Variants in HCN1 observed in about 807,000 individuals in gnomAD.
HCN1 encodes potassium/sodium hyperpolarization-activated cyclic nucleotide-gated channel 1.
Under a neutral mutation model 78.9 loss-of-function variants are expected in HCN1, and 13 were observed. The observed-to-expected ratio is 0.16, with a 90% confidence interval of 0.11 to 0.26. The LOEUF is 0.26. Among genes scored for constraint, HCN1 ranks in the 10% least tolerant of loss-of-function variants. The pLI is 1.00. For missense variants in HCN1, 810 were observed against 1,154.3 expected (o/e 0.70, Z 4.32); for synonymous variants, 552 against 455.5 (o/e 1.21, Z -2.70).
At chr5:45,612,418 C>T (rs1355729174) in intron 2 of HCN1, among the ~76,000 whole-genome samples, 1 of 152,092 alleles carries the variant, frequency 6.6e-6, no homozygotes, top group African/African-American at 2.4e-5. Flanking sequence ...CAGTGCCTAG[C>T]ATAAAGGAAA....
intron 3 of HCN1, among the ~76,000 whole-genome samples, chr5:45,438,667 TG>T (rs1740613342): frequency 6.6e-6 from 1 of 152,000 alleles, no homozygotes; most frequent in Non-Finnish European, 1.5e-5. Flanking sequence ...TGAGTTAAAT[TG>T]CAGCTCTACT....
At chr5:45,456,978 G>C (rs1451750034) in intron 3 of HCN1, among the ~76,000 whole-genome samples, 2 of 152,016 alleles carry the variant, frequency 1.3e-5, no homozygotes, top group Non-Finnish European at 2.9e-5. Flanking sequence ...AGCATATTCA[G>C]ATTCCATATG....
At position 45,396,475 on chromosome 5, in the gene HCN1, T is replaced by C. The variant is rs749737080; in HGVS notation, c.1230+17A>G. On this transcript the variant is annotated intron_variant, in intron 4 of 7. Transcript: ENST00000303230. ...GTTAGCTGGTTAAAGACATTGGCGATAAATAAAACAAATTACCTTCTCTTG... is the reference window on the plus strand; with the variant it reads ...GTTAGCTGGTTAAAGACATTGGCGACAAATAAAACAAATTACCTTCTCTTG... The C allele has an allele frequency of 4.4e-6, 7 of 1,605,780 alleles. No homozygotes were observed. The highest frequency in any genetic ancestry group is 6.0e-6 in the Non-Finnish European group (7 of 1,174,448).
At chr5:45,311,981 T>C (rs540777177) in intron 5 of HCN1, among the ~76,000 whole-genome samples, 1 of 152,272 alleles carries the variant, frequency 6.6e-6, no homozygotes, top group African/African-American at 2.4e-5. Flanking sequence ...TAAGAAAAAA[T>C]CTTTGTTGTC....
At chr5:45,499,353 A>T (rs1284545599) in intron 2 of HCN1, among the ~76,000 whole-genome samples, 1 of 152,176 alleles carries the variant, frequency 6.6e-6, no homozygotes, top group Non-Finnish European at 1.5e-5. Flanking sequence ...CCGATTTTCC[A>T]GGTGCCCTCT....
At chr5:45,437,339 AAT>A (rs1740577759) in intron 3 of HCN1, among the ~76,000 whole-genome samples, 1 of 152,178 alleles carries the variant, frequency 6.6e-6, no homozygotes, top group Non-Finnish European at 1.5e-5. Flanking sequence ...GTTTTTAGTT[AAT>A]ATATTTCAAT....
chr5:45,374,084 A>T (rs1383892949), intron 4 of HCN1, among the ~76,000 whole-genome samples: 19 of 85,572 alleles, frequency 2.2e-4, no homozygotes, highest in African/African-American at 8.4e-4. Context: ...AATATCTATT[A>T]CATATATGTA....
chr5:45,574,136 C>A (rs1743890821), intron 2 of HCN1, among the ~76,000 whole-genome samples: 1 of 151,948 alleles, frequency 6.6e-6, no homozygotes, highest in African/African-American at 2.4e-5. Context: ...AAATTTGGAA[C>A]AGTTTTCAGG....
intron 5 of HCN1, among the ~76,000 whole-genome samples, chr5:45,321,786 T>C (rs1746132014): frequency 6.6e-6 from 1 of 151,902 alleles, no homozygotes; most frequent in South Asian, 2.1e-4. Flanking sequence ...TTAAGGTATA[T>C]TTTAAAAATC....
intron 2 of HCN1, among the ~76,000 whole-genome samples, chr5:45,539,486 C>A (rs948450927): frequency 6.6e-6 from 1 of 150,766 alleles, no homozygotes; most frequent in Non-Finnish European, 1.5e-5. Flanking sequence ...CACGGTGAAA[C>A]CCCGTCTCTA....
At position 45,696,153 on chromosome 5, in the gene HCN1, G is replaced by A. The variant is rs1395836007; in HGVS notation, c.-60C>T. 5 of 1,179,566 alleles carry A rather than the reference G, an allele frequency of 4.2e-6. No individual in the cohort carries two copies. Among genetic ancestry groups the A allele is most frequent in the African/African-American group, 1.6e-5 (1 of 61,120 alleles). The allele number at this position is 1,179,566 out of a possible 1,614,324, so 73.1% of individuals were successfully genotyped here. A position where few individuals can be genotyped will look rare whatever the true frequency, so the allele number is the denominator to read the frequency against. On this transcript the variant is annotated 5_prime_UTR_variant, in exon 1 of 8. Transcript: ENST00000303230. Reference sequence around the variant, plus strand: ...CAGACTCGCCGGCCGCCCGGCGCCGGAGACACGTAGCCGAGAGGGTAGGGG... The same window carrying A: ...CAGACTCGCCGGCCGCCCGGCGCCGAAGACACGTAGCCGAGAGGGTAGGGG...
chr5:45,360,144 A>G (rs1302672902), intron 4 of HCN1, among the ~76,000 whole-genome samples: 2 of 151,660 alleles, frequency 1.3e-5, no homozygotes, highest in African/African-American at 4.8e-5. Context: ...CCAGTTGAAT[A>G]AAAATATATG....
intron 6 of HCN1, among the ~76,000 whole-genome samples, chr5:45,292,607 ACTT>A (rs1745403527): frequency 1.3e-5 from 2 of 152,032 alleles, no homozygotes; most frequent in Non-Finnish European, 2.9e-5. Context: ...TTTAGATTGT[ACTT>A]TATCATTATC....
At chr5:45,375,209 A>G (rs1351987325) in intron 4 of HCN1, among the ~76,000 whole-genome samples, 1 of 109,800 alleles carries the variant, frequency 9.1e-6, no homozygotes, top group African/African-American at 3.4e-5. Flanking sequence ...AATATTTTAT[A>G]ATATATAATA....
At chr5:45,437,191 A>G (rs1464643580) in intron 3 of HCN1, among the ~76,000 whole-genome samples, 1 of 152,222 alleles carries the variant, frequency 6.6e-6, no homozygotes, top group African/African-American at 2.4e-5. Context: ...TTTAATACAT[A>G]TAATAATTTT....
At chr5:45,480,837 C>T (rs867104851) in intron 2 of HCN1, among the ~76,000 whole-genome samples, 9 of 152,010 alleles carry the variant, frequency 5.9e-5, no homozygotes, top group Admixed American at 4.6e-4. Context: ...GGATTAAATA[C>T]CTCATTTGGT....
At chr5:45,373,002 A>G (rs1747455232) in intron 4 of HCN1, among the ~76,000 whole-genome samples, 2 of 139,010 alleles carry the variant, frequency 1.4e-5, no homozygotes, top group Admixed American at 7.8e-5. Flanking sequence ...ATAAAAATAA[A>G]ATTATATAAA....
rs376043206 is a variant in HCN1 at position 45,352,046 on chromosome 5, A to G, written c.1377+1054T>C. Among the ~76,000 whole-genome samples, 16 of 152,314 alleles carry G rather than the reference A, an allele frequency of 1.1e-4. No individual in the cohort carries two copies. The East Asian group carries it at 2.3e-3, about 22-fold the overall frequency. ...TACTGGGTAATACCCAAAGGACTAT[A>G]AATCATGCTGCCATAAAGACAGATG... is the stretch of plus-strand genomic sequence containing the variant. On this transcript the variant is annotated intron_variant, in intron 5 of 7. Coordinates refer to ENST00000303230, the MANE Select transcript of HCN1 (RefSeq NM_021072.4).
chr5:45,373,420 A>C (rs1020369865), intron 4 of HCN1, among the ~76,000 whole-genome samples: 16 of 134,782 alleles, frequency 1.2e-4, no homozygotes, highest in Non-Finnish European at 2.3e-4. Context: ...ATATTATAAT[A>C]TATATCCCTC....
Sources: allele counts gnomAD v4.1 joint callset (sites outside exome capture counted in the v4.1 genomes callset), GRCh38; gene constraint gnomAD v4.1.1; transcripts MANE v1.5; gene names NCBI Gene and HGNC (gene_info 2026-07-23, HGNC 2026-07-21).